Variants in KCTD9 observed in about 807,000 individuals in gnomAD.
The protein encoded by KCTD9 is BTB/POZ domain-containing protein KCTD9.
A neutral mutation model predicts 53.3 loss-of-function variants in KCTD9; 17 were observed. The observed-to-expected ratio is 0.32, with a 90% confidence interval of 0.22 to 0.48. KCTD9 has a LOEUF of 0.48. KCTD9 is among the 20% of genes least tolerant of loss of function. KCTD9 has a pLI of 0.99. For synonymous variants in KCTD9, 128 were observed against 162.7 expected (o/e 0.79, Z 1.62); for missense variants, 179 against 465.5 (o/e 0.38, Z 5.66).
chr8:25,444,172 T>C lies in KCTD9; in HGVS notation c.214+120A>G, dbSNP rs959677214. On this transcript the variant is annotated intron_variant, in intron 3 of 11. Coordinates refer to ENST00000221200, the MANE Select transcript of KCTD9 (RefSeq NM_017634.4). ...ATGCAGAATCAAAAAGTGTGAAGAT[T>C]TGAATACAGCCATAAGATCATTTTT... The C allele has an allele frequency of 2.0e-5, 17 of 846,460 alleles. 1 individual carries two copies. Among genetic ancestry groups the C allele is most frequent in the Admixed American group, 2.0e-4 (7 of 35,316 alleles). 52.4% of individuals were successfully genotyped at this position (846,460 alleles called of 1,614,324 possible). A position where few individuals can be genotyped will look rare whatever the true frequency, so the allele number is the denominator to read the frequency against.
chr8:25,456,407 C>A (rs1283724078), intron 1 of KCTD9, among the ~76,000 whole-genome samples: 1 of 152,114 alleles, frequency 6.6e-6, no homozygotes, highest in East Asian at 1.9e-4. Context: ...ATGTATTATG[C>A]AGCTCTTTTG....
In KCTD9 at chr8:25,444,510, T is replaced by C. The variant is rs569337925; in HGVS notation, c.171-175A>G. ...GTTTAACCCCTTGAACTTAACTGTC[T>C]TTGAATTTAAATTCAAAAATAAGAT... is the stretch of plus-strand genomic sequence containing the variant. On this transcript the variant is annotated intron_variant, in intron 2 of 11. Transcript: ENST00000221200. Among the ~76,000 whole-genome samples the C allele has an allele frequency of 4.5e-4, 68 of 152,286 alleles. No homozygotes were observed. In the Middle Eastern group the frequency reaches 0.01, roughly 23 times the overall value.
At chr8:25,441,826 C>T (rs1009554080) in intron 3 of KCTD9, among the ~76,000 whole-genome samples, 7 of 151,836 alleles carry the variant, frequency 4.6e-5, no homozygotes, top group African/African-American at 1.7e-4. Flanking sequence ...ACCCCAAAAC[C>T]CCATCTCTAC....
chr8:25,432,758 G>A lies in KCTD9; in HGVS notation c.920-121C>T, dbSNP rs1001797961. The stretch of plus-strand genomic sequence containing the variant: ...CTTTTGGAAATTAATCTAAAATCTT[G>A]TCTCTCAACGAACTTATATATATAA... On this transcript the variant is annotated intron_variant, in intron 10 of 11. Transcript: ENST00000221200. 6 of 810,658 alleles carry A rather than the reference G, an allele frequency of 7.4e-6. No individual in the cohort carries two copies. In the Admixed American group the frequency reaches 8.3e-5, roughly 11 times the overall value. 50.2% of individuals were successfully genotyped at this position (810,658 alleles called of 1,614,324 possible).
At chr8:25,447,725 C>T (rs564558512) in intron 1 of KCTD9, among the ~76,000 whole-genome samples, 2 of 152,168 alleles carry the variant, frequency 1.3e-5, no homozygotes, top group East Asian at 1.9e-4. Flanking sequence ...AAAATTTAAG[C>T]GGAACCAAGT....
At chr8:25,456,688 T>C (rs925850905) in intron 1 of KCTD9, among the ~76,000 whole-genome samples, 2 of 152,006 alleles carry the variant, frequency 1.3e-5, no homozygotes, top group East Asian at 1.9e-4. Context: ...TAGTCAAAAC[T>C]AGATAGCTTA....
At chr8:25,440,532 G>A (rs572616227) in intron 4 of KCTD9, 45 bp downstream of exon 4, 2 of 1,226,598 alleles carry the variant, frequency 1.6e-6, no homozygotes, top group South Asian at 1.2e-5. Flanking sequence ...GGTACACAGT[G>A]CTTCTTTTGC....
At chr8:25,448,109 G>C (rs190371090) in intron 1 of KCTD9, among the ~76,000 whole-genome samples, 9 of 151,748 alleles carry the variant, frequency 5.9e-5, no homozygotes, top group Non-Finnish European at 7.4e-5. Context: ...GCCTGGACAT[G>C]ATGGGACGGA....
chr8:25,446,289 TA>T (rs1378790538), intron 1 of KCTD9, 39 bp from the exon 2 acceptor site: 1 of 1,606,672 alleles, frequency 6.2e-7, no homozygotes, highest in South Asian at 1.1e-5. Flanking sequence ...ATTTCTTTAA[TA>T]CATGTTATCC....
chr8:25,448,245 A>C (rs1431825666), intron 1 of KCTD9, among the ~76,000 whole-genome samples: 3 of 152,236 alleles, frequency 2.0e-5, no homozygotes, highest in Non-Finnish European at 4.4e-5. Context: ...AACATGGATG[A>C]ACCTTTTTGA....
At chr8:25,446,033 ACTCTT>A in intron 2 of KCTD9, 91 bp downstream of exon 2, 1 of 1,471,274 alleles carries the variant, frequency 6.8e-7, no homozygotes, top group South Asian at 1.3e-5. Context: ...AAAATCCTGT[ACTCTT>A]AACAGTGATT....
At chr8:25,448,293 A>G (rs11780132) in intron 1 of KCTD9, among the ~76,000 whole-genome samples, 51,921 of 152,038 alleles carry the variant, frequency 0.34, 9,156 homozygotes, top group African/African-American at 0.43. Flanking sequence ...ACAAAAGGAT[A>G]AATATTCTAT....
chr8:25,442,760 TTTTAA>T (rs1322247002), intron 3 of KCTD9, among the ~76,000 whole-genome samples: 8 of 152,192 alleles, frequency 5.3e-5, no homozygotes, highest in Non-Finnish European at 8.8e-5. Flanking sequence ...ATACAATTAT[TTTTAA>T]GTAAGGGGAG....
chr8:25,446,004 T>C, intron 2 of KCTD9, 125 bp downstream of exon 2: 1 of 1,248,464 alleles, frequency 8.0e-7, no homozygotes, highest in East Asian at 2.5e-5. Context: ...AAAGAGCAAA[T>C]TCTAGGTAAA....
intron 2 of KCTD9, 62 bp from the exon 3 acceptor site, chr8:25,444,397 T>G (rs1802177701): frequency 4.8e-6 from 7 of 1,458,082 alleles, no homozygotes; most frequent in Non-Finnish European, 6.7e-6. Flanking sequence ...AATTATCTGT[T>G]GCTTATAGGA....
intron 1 of KCTD9, among the ~76,000 whole-genome samples, chr8:25,448,840 G>A (rs1217364459): frequency 1.3e-5 from 2 of 151,906 alleles, no homozygotes; most frequent in East Asian, 1.9e-4. Context: ...GCTTCAACCC[G>A]GGAGGCAGAG....
At position 25,445,071 on chromosome 8, in the gene KCTD9, C is replaced by A. The variant is rs142925982; in HGVS notation, c.171-736G>T. 3.4e-3 allele frequency among the ~76,000 whole-genome samples: 513 copies of A among 152,214 alleles called. 9 individuals are homozygous for A. The highest frequency in any genetic ancestry group is 0.011 in the East Asian group (58 of 5,182). ...AAGTTAGGTTGATGAGGATCATCAT[C>A]CAACAATGTGACTCAGTTTTCCTTA... is the stretch of plus-strand genomic sequence containing the variant. On this transcript the variant is annotated intron_variant, in intron 2 of 11. Transcript: ENST00000221200.
At chr8:25,457,351 T>C in intron 1 of KCTD9, 1 of 985,072 alleles carries the variant, frequency 1.0e-6, no homozygotes, top group East Asian at 1.1e-4. Flanking sequence ...AGCAACGCAA[T>C]AAATGTCTGC....
At chr8:25,432,467 A>G (rs962573123) in intron 11 of KCTD9, 37 bp downstream of exon 11, 1 of 1,584,040 alleles carries the variant, frequency 6.3e-7, no homozygotes, top group Non-Finnish European at 8.6e-7. Flanking sequence ...TAGTAAGTCT[A>G]GAGTAATAAA....
Sources: allele counts gnomAD v4.1 joint callset (sites outside exome capture counted in the v4.1 genomes callset), GRCh38; gene constraint gnomAD v4.1.1; transcripts MANE v1.5; gene names NCBI Gene and HGNC (gene_info 2026-07-23, HGNC 2026-07-21).